The following GABRA3 variants were observed in gnomAD, a reference collection of about 807,000 sequenced individuals.
GABRA3 encodes the protein gamma-aminobutyric acid type A receptor subunit alpha3.
A neutral mutation model predicts 30.1 loss-of-function variants in GABRA3; 10 were observed. That is an observed-to-expected ratio of 0.33 (90% CI 0.20 to 0.56). The LOEUF (loss-of-function observed/expected upper bound fraction) is 0.56, where lower values mean the gene tolerates loss of function less well. Among genes scored for constraint, GABRA3 ranks in the 20% least tolerant of loss-of-function variants. The probability of loss-of-function intolerance (pLI) is 0.89; values close to 1 mark genes in which losing one functional copy is unlikely to be tolerated. For missense variants in GABRA3, 233 were observed against 392.0 expected (o/e 0.59, Z 3.42); for synonymous variants, 151 against 146.8 (o/e 1.03, Z -0.21).
At chrX:152,279,977 G>T (rs1425760652) in intron 4 of GABRA3, among the ~76,000 whole-genome samples, 1 of 111,609 alleles carries the variant, frequency 9.0e-6, no homozygotes, top group Non-Finnish European at 1.9e-5. Flanking sequence ...CTGAGACTTT[G>T]CTGAAGTTGC....
At chrX:152,346,877 C>T (rs1220458286) in intron 2 of GABRA3, among the ~76,000 whole-genome samples, 2 of 111,668 alleles carry the variant, frequency 1.8e-5, no homozygotes, top group African/African-American at 6.5e-5. Flanking sequence ...AGGGAACCCT[C>T]GTACACTGTT....
chrX:152,293,696 C>G (rs1040049831), intron 3 of GABRA3, among the ~76,000 whole-genome samples: 19 of 111,518 alleles, frequency 1.7e-4, no homozygotes, highest in African/African-American at 5.9e-4. Flanking sequence ...ATTGCCCATT[C>G]GTTGATGCAA....
intron 3 of GABRA3, among the ~76,000 whole-genome samples, chrX:152,310,624 A>G (rs891955716): frequency 2.7e-5 from 3 of 111,573 alleles, no homozygotes; most frequent in Non-Finnish European, 5.7e-5. Context: ...ATTTCAAATT[A>G]ACAACCTAAT....
chrX:152,257,143 T>A (rs1042022306), intron 4 of GABRA3, among the ~76,000 whole-genome samples: 1 of 111,396 alleles, frequency 9.0e-6, no homozygotes, highest in African/African-American at 3.3e-5. Flanking sequence ...ATGAGCTGGG[T>A]GATGTTTGTG....
intron 6 of GABRA3, among the ~76,000 whole-genome samples, chrX:152,216,093 T>G (rs1447675559): frequency 9.1e-6 from 1 of 110,315 alleles, no homozygotes; most frequent in East Asian, 2.9e-4. Flanking sequence ...GAACAAGTGC[T>G]GGAAAAGATG....
At chrX:152,382,739 A>T (rs912237885) in intron 1 of GABRA3, among the ~76,000 whole-genome samples, 1 of 111,277 alleles carries the variant, frequency 9.0e-6, no homozygotes, top group Non-Finnish European at 1.9e-5. Flanking sequence ...TGGCATGTGT[A>T]TATTCAGTTT....
At chrX:152,287,119 GACC>G (rs1470009680) in intron 3 of GABRA3, among the ~76,000 whole-genome samples, 6 of 111,881 alleles carry the variant, frequency 5.4e-5, no homozygotes, top group African/African-American at 1.9e-4. Context: ...TAATGGAAGA[GACC>G]ACCATTATAT....
At chrX:152,184,345 A>G (rs151275011) in intron 9 of GABRA3, among the ~76,000 whole-genome samples, 132 of 111,328 alleles carry the variant, frequency 1.2e-3, no homozygotes, top group Non-Finnish European at 2.0e-3. Context: ...GGTAACAGAG[A>G]AGATGTCTGT....
intron 3 of GABRA3, among the ~76,000 whole-genome samples, chrX:152,293,617 C>T (rs1300458149): frequency 9.0e-6 from 1 of 111,692 alleles, no homozygotes; most frequent in East Asian, 2.8e-4. Flanking sequence ...ATAACAATAA[C>T]AACTGTTATT....
chrX:152,362,369 T>G (rs1344546401), intron 2 of GABRA3, among the ~76,000 whole-genome samples: 2 of 111,025 alleles, frequency 1.8e-5, no homozygotes, highest in Non-Finnish European at 3.8e-5. Context: ...TAGAAGGGAT[T>G]TTAAAGTCTA....
intron 3 of GABRA3, among the ~76,000 whole-genome samples, chrX:152,317,674 A>G (rs1939899466): frequency 8.9e-6 from 1 of 112,038 alleles, no homozygotes; most frequent in Admixed American, 9.5e-5. Flanking sequence ...AACCTTCAAA[A>G]CCATGCTAAT....
intron 3 of GABRA3, among the ~76,000 whole-genome samples, chrX:152,306,144 T>C (rs1939716746): frequency 1.8e-5 from 2 of 112,233 alleles, no homozygotes; most frequent in South Asian, 7.4e-4. Context: ...TTCACAGCTA[T>C]ACCCTGTCAA....
At position 152,238,717 on chromosome X, in the gene GABRA3, C is replaced by G. The variant is rs868347052; in HGVS notation, c.552-13872G>C. Among the ~76,000 whole-genome samples the G allele has an allele frequency of 1.5e-3, 162 of 107,558 alleles. 2 individuals carry two copies. In the Middle Eastern group the frequency reaches 0.039, roughly 26 times the overall value. 93.4% of individuals were successfully genotyped at this position (107,558 alleles called of 115,157 possible). A position where few individuals can be genotyped will look rare whatever the true frequency, so the allele number is the denominator to read the frequency against. ...AGATTCAACTTCTTCCTGGTTTAGT[C>G]TTGGGAGAGTGTATGTGTCGAGGAA... On this transcript the variant is annotated intron_variant, in intron 5 of 9. Coordinates refer to ENST00000370314, the MANE Select transcript of GABRA3 (RefSeq NM_000808.4).
chrX:152,302,189 C>T (rs1939643099), intron 3 of GABRA3, among the ~76,000 whole-genome samples: 1 of 109,151 alleles, frequency 9.2e-6, no homozygotes, highest in African/African-American at 3.4e-5. Context: ...AATGTAAGCA[C>T]AAACATGTAA....
At chrX:152,261,116 A>G (rs1938721380) in intron 4 of GABRA3, among the ~76,000 whole-genome samples, 1 of 102,669 alleles carries the variant, frequency 9.7e-6, no homozygotes, top group African/African-American at 4.0e-5. Flanking sequence ...TTTCATTAGA[A>G]CTCTCTCACT....
At chrX:152,237,699 G>T (rs1308111705) in intron 5 of GABRA3, among the ~76,000 whole-genome samples, 1 of 105,093 alleles carries the variant, frequency 9.5e-6, no homozygotes, top group Non-Finnish European at 1.9e-5. Flanking sequence ...CCTTGAAGAG[G>T]TCCTTCACAT....
intron 3 of GABRA3, among the ~76,000 whole-genome samples, chrX:152,295,533 G>A (rs185284068): frequency 2.9e-4 from 33 of 113,124 alleles, no homozygotes; most frequent in African/African-American, 5.8e-4. Context: ...CTGCTCTGCC[G>A]TTTGCTAAGA....
At position 152,174,205 on chromosome X, in the gene GABRA3, G is replaced by C. The variant is rs1400891014; in HGVS notation, c.1144-5642C>G. ...CAGTCTATCATTGTTGGACATTTGG[G>C]TTGGTTCCAAGTCTTTGCTATTGTG... On this transcript the variant is annotated intron_variant, in intron 9 of 9. Transcript: ENST00000370314. Among the ~76,000 whole-genome samples the C allele has an allele frequency of 1.5e-4, 17 of 110,932 alleles. No homozygotes were observed. The East Asian group carries it at 4.0e-3, about 26-fold the overall frequency.
intron 2 of GABRA3, among the ~76,000 whole-genome samples, chrX:152,358,605 T>C (rs886219627): frequency 4.5e-5 from 5 of 111,359 alleles, no homozygotes; most frequent in Non-Finnish European, 5.7e-5. Flanking sequence ...AGAGAGGGCA[T>C]CCATGTCTTG....
Sources: allele counts gnomAD v4.1 joint callset (sites outside exome capture counted in the v4.1 genomes callset), GRCh38; gene constraint gnomAD v4.1.1; transcripts MANE v1.5; gene names NCBI Gene and HGNC (gene_info 2026-07-23, HGNC 2026-07-21).